The following ADCY5 variants were observed in gnomAD, a reference collection of about 807,000 sequenced individuals.
ADCY5 encodes the protein adenylate cyclase 5.
In ADCY5, 30 loss-of-function variants were observed where a neutral mutation model predicts 119.7. The observed-to-expected ratio is 0.25, with a 90% CI of 0.19 to 0.34. ADCY5 has a LOEUF of 0.34. Ranked by LOEUF, ADCY5 falls within the 10% of genes least tolerant of loss-of-function variation. The pLI is 1.00. For missense variants in ADCY5, 1,324 were observed against 1,775.2 expected (o/e 0.75, Z 4.57); for synonymous variants, 753 against 762.2 (o/e 0.99, Z 0.20).
rs140997058 is a variant in ADCY5, at chr3:123,345,351, G to C, written c.1406+2431C>G. ...CAGGCTGGGAAGCTGTGCTGGAGGT[G>C]CTAGACTGCTTCTGAGCAGCAAATT... On this transcript the variant is annotated intron_variant, in intron 3 of 20. Transcript: ENST00000462833. Among the ~76,000 whole-genome samples, 206 of 152,368 alleles carry C rather than the reference G, an allele frequency of 1.4e-3. 1 individual carries two copies. The highest frequency in any genetic ancestry group is 4.8e-3 in the African/African-American group (201 of 41,590).
intron 2 of ADCY5, 49 bp from the exon 3 acceptor site, chr3:123,347,952 G>C (rs1942635228): frequency 1.2e-6 from 2 of 1,611,544 alleles, no homozygotes; most frequent in Non-Finnish European, 1.7e-6. Flanking sequence ...TACCTGCCTG[G>C]CAAGTGCTCG....
At chr3:123,386,881 T>C (rs1159903626) in intron 1 of ADCY5, among the ~76,000 whole-genome samples, 1 of 152,148 alleles carries the variant, frequency 6.6e-6, no homozygotes, top group Non-Finnish European at 1.5e-5. Context: ...CCCGTCAGCG[T>C]GGAAGGGAAC....
In ADCY5 at chr3:123,304,185, TAGGGTGGGGGCAGGGGTGGAG is replaced by T; in HGVS notation, c.2443-23_2443-3del. On this transcript the variant is annotated splice_polypyrimidine_tract_variant and splice_region_variant and intron_variant, in intron 12 of 20. Coordinates refer to ENST00000462833, the MANE Select transcript of ADCY5 (RefSeq NM_183357.3). ...GGTCTGCAGTGGGGAGGGGAAGAGC[TAGGGTGGGGGCAGGGGTGGAG>T]AGGGAGGGAGGGAGAGACGGAATAG... 6.9e-7 allele frequency: 1 copy of T among 1,448,370 alleles called. No homozygotes were observed. Among genetic ancestry groups the T allele is most frequent in the Non-Finnish European group, 9.4e-7 (1 of 1,063,466 alleles). 89.7% of individuals were successfully genotyped at this position (1,448,370 alleles called of 1,614,324 possible).
intron 1 of ADCY5, among the ~76,000 whole-genome samples, chr3:123,439,086 T>TTTTTTTTTTTTTTTTTTA (rs1559879402): frequency 2.8e-5 from 4 of 142,064 alleles, no homozygotes; most frequent in East Asian, 4.2e-4. Flanking sequence ...CTTTTTTTTT[T>TTTTTTTTTTTTTTTTTTA]GAGATGGAGT....
In ADCY5 at chr3:123,447,994, G is replaced by T; in HGVS notation, c.552C>A (p.Ser184=). 1.5e-6 allele frequency: 2 copies of T among 1,335,548 alleles called. No homozygotes were observed. The highest frequency in any genetic ancestry group is 1.9e-6 in the Non-Finnish European group (2 of 1,046,994). 82.7% of individuals were successfully genotyped at this position (1,335,548 alleles called of 1,614,324 possible). Residue 184 remains serine, a synonymous_variant, in exon 1 of 21, where the codon TCC becomes TCA. Coordinates refer to ENST00000462833, the MANE Select transcript of ADCY5 (RefSeq NM_183357.3). ...EAGAVEGGEG[S]GDGGSSADSG... ...AGTCCGCCGAGCTGCCGCCATCCCC[G>T]GACCCCTCGCCGCCCTCGACGGCGC...
chr3:123,303,339 G>C, intron 13 of ADCY5, 120 bp from the exon 14 acceptor site: 1 of 1,102,744 alleles, frequency 9.1e-7, no homozygotes, highest in Non-Finnish European at 1.3e-6. Flanking sequence ...GCATGACACT[G>C]ATGGGGACAA....
intron 1 of ADCY5, among the ~76,000 whole-genome samples, chr3:123,354,587 G>T (rs1942974210): frequency 6.6e-6 from 1 of 152,164 alleles, no homozygotes; most frequent in South Asian, 2.1e-4. Context: ...AAGGCTGAGG[G>T]GTAGGCCACA....
chr3:123,419,877 C>T (rs1288935729), intron 1 of ADCY5, among the ~76,000 whole-genome samples: 1 of 152,074 alleles, frequency 6.6e-6, no homozygotes, highest in Non-Finnish European at 1.5e-5. Flanking sequence ...TTGCACTTCC[C>T]CCGTGCTCAT....
At position 123,358,195 on chromosome 3, in the gene ADCY5, T is replaced by TGA. The variant is rs58986112; in HGVS notation, c.1135-5615_1135-5614insTC. The stretch of plus-strand genomic sequence containing the variant: ...GTGTGTGTGTGTGTGTGTGTGTGTG[T>TGA]AGGGAGTTGGTGGTATGGCGGAGCA... On this transcript the variant is annotated intron_variant, in intron 1 of 20. Coordinates refer to ENST00000462833, the MANE Select transcript of ADCY5 (RefSeq NM_183357.3). Among the ~76,000 whole-genome samples the TGA allele has an allele frequency of 8.2e-4, 122 of 149,200 alleles. 1 individual carries two copies. In the East Asian group the frequency reaches 8.7e-3, roughly 11 times the overall value.
At chr3:123,345,795 C>CACACACACACACACACACACACACAG (rs1942521808) in intron 3 of ADCY5, among the ~76,000 whole-genome samples, 1 of 151,456 alleles carries the variant, frequency 6.6e-6, no homozygotes, top group African/African-American at 2.4e-5. Flanking sequence ...CACACACACA[C>CACACACACACACACACACACACACAG]AGGAAACCAA....
At position 123,302,960 on chromosome 3, in the gene ADCY5, C is replaced by A. The variant is rs941600960; in HGVS notation, c.2724+95G>T. The A allele has an allele frequency of 3.4e-6, 5 of 1,451,892 alleles. No individual in the cohort carries two copies. In the African/African-American group the frequency reaches 5.6e-5, roughly 16 times the overall value. 89.9% of individuals were successfully genotyped at this position (1,451,892 alleles called of 1,614,324 possible). On this transcript the variant is annotated intron_variant, in intron 14 of 20. Coordinates refer to ENST00000462833, the MANE Select transcript of ADCY5 (RefSeq NM_183357.3). The stretch of plus-strand genomic sequence containing the variant: ...TCTAGAAGACAGTGAGCTGGTGAGA[C>A]CCTGTCCTTCAGACTGTCCTGAGCA...
At position 123,377,260 on chromosome 3, in the gene ADCY5, C is replaced by T. The variant is rs1006294833; in HGVS notation, c.1135-24679G>A. Among the ~76,000 whole-genome samples the T allele has an allele frequency of 2.6e-5, 4 of 152,320 alleles. No individual in the cohort carries two copies. In the East Asian group the frequency reaches 7.7e-4, roughly 29 times the overall value. ...AGCTCTCCGGGCTCGAGTCATCTGG[C>T]TCCTTCTGCTCTCCAGTGTCATCTC... On this transcript the variant is annotated intron_variant, in intron 1 of 20. Transcript: ENST00000462833.
At chr3:123,402,918 T>G (rs1347986856) in intron 1 of ADCY5, among the ~76,000 whole-genome samples, 1 of 151,288 alleles carries the variant, frequency 6.6e-6, no homozygotes, top group Non-Finnish European at 1.5e-5. Context: ...AGGGAAGATG[T>G]ATTTATGTTA....
Position 123,352,401 on chromosome 3 carries a change from C to T in ADCY5, c.1284+31G>A, listed in dbSNP as rs377099656. 1.4e-5 allele frequency: 22 copies of T among 1,595,996 alleles called. No homozygotes were observed. Among genetic ancestry groups the T allele is most frequent in the Non-Finnish European group, 1.7e-5 (20 of 1,171,932 alleles). On this transcript the variant is annotated intron_variant, in intron 2 of 20. Transcript: ENST00000462833. The surrounding 1 kb of genome is among the most constrained non-coding windows in gnomAD (Gnocchi z 4.8). ...GGTACATCTCAGGGCTCGACTCCGT[C>T]CCACTGTGCAAGGGCAGGGGCCTCA...
intron 1 of ADCY5, among the ~76,000 whole-genome samples, chr3:123,423,548 C>A (rs2107639497): frequency 6.6e-6 from 1 of 152,272 alleles, no homozygotes; most frequent in East Asian, 1.9e-4. Flanking sequence ...CCTCAAGGGG[C>A]TCTCAGACTA....
At chr3:123,443,026 T>C (rs906168690) in intron 1 of ADCY5, among the ~76,000 whole-genome samples, 3 of 151,980 alleles carry the variant, frequency 2.0e-5, no homozygotes, top group Non-Finnish European at 2.9e-5. Flanking sequence ...GGGAAAGCAA[T>C]TGGTGGCAGA....
chr3:123,415,823 A>C (rs890797748), intron 1 of ADCY5, among the ~76,000 whole-genome samples: 4 of 152,200 alleles, frequency 2.6e-5, no homozygotes, highest in African/African-American at 9.7e-5. Flanking sequence ...GGCAAAGATC[A>C]AATTCAGGTA....
At chr3:123,436,652 G>A (rs1162571019) in intron 1 of ADCY5, among the ~76,000 whole-genome samples, 3 of 152,128 alleles carry the variant, frequency 2.0e-5, no homozygotes, top group African/African-American at 7.2e-5. Context: ...GTTGCAGTGA[G>A]CCAAGATCAT....
At chr3:123,287,308 G>A (rs557490267) in intron 19 of ADCY5, among the ~76,000 whole-genome samples, 40 of 152,218 alleles carry the variant, frequency 2.6e-4, no homozygotes, top group East Asian at 1.9e-4. Flanking sequence ...CCACCACTTC[G>A]GCTCTCCTCT....
Sources: gnomAD v4.1 joint callset for allele counts (sites outside exome capture counted in the v4.1 genomes callset) on GRCh38, gnomAD v4.1.1 for gene constraint, Gnocchi (gnomAD v3.1) non-coding constraint, MANE v1.5 for transcripts, NCBI Gene and HGNC (gene_info 2026-07-23, HGNC 2026-07-21) for gene names.